The following TAS2R10 variants were observed in gnomAD, a reference collection of about 807,000 sequenced individuals.
TAS2R10 encodes the protein taste receptor type 2 member 10.
For synonymous variants in TAS2R10, 144 were observed against 126.6 expected (o/e 1.14, Z -0.92); for missense variants, 385 against 362.0 (o/e 1.06, Z -0.52).
At chr12:10,825,923 T>C in exon 1 of TAS2R10, 1 of 1,613,604 alleles carries the variant, frequency 6.2e-7, no homozygotes, top group Non-Finnish European at 8.5e-7. Context: ...GAGAAATATG[T>C]AGTTGGAAAA....
At chr12:10,825,864 A>C (rs1177634965) in exon 1 of TAS2R10, 1 of 1,613,004 alleles carries the variant, frequency 6.2e-7, no homozygotes, top group East Asian at 2.2e-5. Flanking sequence ...GAAATAAGTA[A>C]GAATACTATC....
rs146183786 is a variant in TAS2R10 at position 10,825,660 on chromosome 12, T to A, written c.610A>T (p.Asn204Tyr). Residue 204 changes from asparagine (N) to tyrosine (Y), a missense_variant, in exon 1 of 1, where the codon AAC (asparagine) becomes TAC (tyrosine). By Grantham distance (143) the Asn-to-Tyr change is moderately radical. Coordinates refer to ENST00000240619, the Ensembl canonical transcript of TAS2R10. ...GTCACATTCGATTGCATCTGCCTGT[T>A]GTGTCTCCAAAGGGAAATGATTAAA... 6.8e-5 allele frequency: 109 copies of A among 1,613,636 alleles called. 1 individual carries two copies. The highest frequency in any genetic ancestry group is 6.6e-4 in the Middle Eastern group (4 of 6,084).
At chr12:10,825,272 G>A, downstream of TAS2R10, 1 of 1,135,620 alleles carries the variant, frequency 8.8e-7, no homozygotes, top group Non-Finnish European at 1.3e-6. Context: ...CAAGAATGCA[G>A]TGCAATGAAA....
At chr12:10,825,481 C>T in exon 1 of TAS2R10, 1 of 1,613,704 alleles carries the variant, frequency 6.2e-7, no homozygotes, top group Non-Finnish European at 8.5e-7. Flanking sequence ...CTGTGGTTGT[C>T]ATTCCAAACA....
exon 1 of TAS2R10, chr12:10,825,408 A>T: frequency 6.2e-7 from 1 of 1,613,482 alleles, no homozygotes; most frequent in Non-Finnish European, 8.5e-7. Flanking sequence ...ACCCTCAAAG[A>T]GGCTTGCTTT....
rs757555326 is a variant in TAS2R10 at position 10,826,103 on chromosome 12, A to T, written c.167T>A (p.Phe56Tyr). 1.2e-6 allele frequency: 2 copies of T among 1,613,336 alleles called. No homozygotes were observed. Among genetic ancestry groups the T allele is most frequent in the African/African-American group, 2.7e-5 (2 of 74,896 alleles). The change falls in exon 1 of 1, where the codon TTT becomes TAT. Residue 56 changes from phenylalanine (F) to tyrosine (Y), a missense_variant. By Grantham distance (22) the Phe-to-Tyr change is conservative (BLOSUM62 3). Transcript: ENST00000240619. Reference sequence around the variant, plus strand: ...ATCTGTAATTATTATCCATATCAGAAAAATTCTTGAAATAGCTAAGCCGGT... The same window carrying T: ...ATCTGTAATTATTATCCATATCAGATAAATTCTTGAAATAGCTAAGCCGGT...
chr12:10,826,352 G>A (rs538507602), exon 1 of TAS2R10: 154 of 979,106 alleles, frequency 1.6e-4, no homozygotes, highest in Non-Finnish European at 2.2e-4. Context: ...GCTGCTCGAC[G>A]GAAGTGTGAC....
chr12:10,825,685 A>C, exon 1 of TAS2R10: 1 of 1,613,688 alleles, frequency 6.2e-7, no homozygotes, highest in South Asian at 1.1e-5. Flanking sequence ...AAATGATTAA[A>C]AAAATACATG....
In TAS2R10 at chr12:10,825,524, CATG is replaced by C. The variant is rs773674369; in HGVS notation, c.743_745del (p.Ser248del). On this transcript the variant is annotated inframe_deletion, in exon 1 of 1. Coordinates refer to ENST00000240619, the Ensembl canonical transcript of TAS2R10. Reference sequence around the variant, plus strand: ...CAGTTTGTTTTCTCGCACAGTAAAACATGATATTTCTATGGCCATGCCTATAAA... The same window carrying C: ...CAGTTTGTTTTCTCGCACAGTAAAACATATTTCTATGGCCATGCCTATAAA... The C allele has an allele frequency of 3.1e-6, 5 of 1,613,688 alleles. No individual in the cohort carries two copies. The South Asian group carries it at 4.4e-5, about 14-fold the overall frequency.
exon 1 of TAS2R10, chr12:10,825,691 A>G: frequency 1.2e-6 from 2 of 1,613,296 alleles, no homozygotes; most frequent in South Asian, 2.2e-5. Context: ...TTAAAAAAAT[A>G]CATGTAATTA....
At chr12:10,826,128 T>C in exon 1 of TAS2R10, 1 of 1,613,504 alleles carries the variant, frequency 6.2e-7, no homozygotes, top group Non-Finnish European at 8.5e-7. Context: ...GCTAAGCCGG[T>C]GAGAATAAAG....
chr12:10,825,570 T>C (rs892309690), exon 1 of TAS2R10: 2 of 1,613,586 alleles, frequency 1.2e-6, no homozygotes, highest in African/African-American at 2.7e-5. Flanking sequence ...ATAAAGAGGA[T>C]GATGAAAGAT....
exon 1 of TAS2R10, chr12:10,826,080 C>A: frequency 6.2e-7 from 1 of 1,613,108 alleles, no homozygotes. Flanking sequence ...ATAAATCCAT[C>A]TGTAATTATT....
At chr12:10,825,401 C>T (rs1336123230) in exon 1 of TAS2R10, 10 of 1,613,444 alleles carry the variant, frequency 6.2e-6, no homozygotes, top group Non-Finnish European at 8.5e-6. Context: ...CTGCAGTACC[C>T]TCAAAGAGGC....
Position 10,825,418 on chromosome 12 carries a change from T to C in TAS2R10, c.852A>G (p.Leu284=), listed in dbSNP as rs755472603. The C allele has an allele frequency of 4.3e-6, 7 of 1,613,510 alleles. No homozygotes were observed. In the South Asian group the frequency reaches 6.6e-5, roughly 15 times the overall value. Residue 284 remains leucine, a synonymous_variant, in exon 1 of 1, where the codon CTA becomes CTG. Coordinates refer to ENST00000240619, the Ensembl canonical transcript of TAS2R10. The stretch of plus-strand genomic sequence containing the variant: ...GCAGTACCCTCAAAGAGGCTTGCTT[T>C]AGCTTGCTGTTTCCTAGAATTAAGA...
Position 10,825,439 on chromosome 12 carries a change from T to C in TAS2R10, c.831A>G (p.Leu277=), listed in dbSNP as rs540722048. The C allele has an allele frequency of 1.8e-5, 29 of 1,613,678 alleles. 1 individual carries two copies. The highest frequency in any genetic ancestry group is 3.3e-4 in the Middle Eastern group (2 of 6,062). Residue 277 remains leucine, a synonymous_variant, in exon 1 of 1, where the codon TTA becomes TTG. Coordinates refer to ENST00000240619, the Ensembl canonical transcript of TAS2R10. ...GCTTTAGCTTGCTGTTTCCTAGAAT[T>C]AAGATAAATGAGTGACCCCAGGGAT...
exon 1 of TAS2R10, chr12:10,826,028 A>G: frequency 1.9e-6 from 3 of 1,613,448 alleles, no homozygotes; most frequent in Non-Finnish European, 2.5e-6. Context: ...AATATATTCA[A>G]TTAGGTTACC....
chr12:10,825,541 C>A, exon 1 of TAS2R10: 1 of 1,613,610 alleles, frequency 6.2e-7, no homozygotes, highest in Non-Finnish European at 8.5e-7. Context: ...TTTCTATGGC[C>A]ATGCCTATAA....
At chr12:10,826,117 A>T (rs1191431200) in exon 1 of TAS2R10, 2 of 1,613,520 alleles carry the variant, frequency 1.2e-6, no homozygotes, top group Non-Finnish European at 1.7e-6. Flanking sequence ...TTCTTGAAAT[A>T]GCTAAGCCGG....
Sources: allele counts gnomAD v4.1 joint callset, GRCh38; gene constraint gnomAD v4.1.1; transcripts MANE v1.5; gene names NCBI Gene and HGNC (gene_info 2026-07-23, HGNC 2026-07-21).